Variants in SGCZ observed in about 807,000 individuals in gnomAD.
SGCZ encodes the protein zeta-sarcoglycan.
Under a neutral mutation model 41.3 loss-of-function variants are expected in SGCZ, and 40 were observed. The ratio of observed to expected loss-of-function variants is 0.97; its 90% CI spans 0.75 to 1.26. The LOEUF is 1.26. Ranked by LOEUF, SGCZ falls within the 50% of genes most tolerant of loss-of-function variation. SGCZ has a pLI of 0.00. For synonymous variants in SGCZ, 206 were observed against 137.5 expected (o/e 1.50, Z -3.49); for missense variants, 552 against 369.8 (o/e 1.49, Z -4.04).
At chr8:14,324,669 G>A (rs1802032920) in intron 2 of SGCZ, among the ~76,000 whole-genome samples, 1 of 152,052 alleles carries the variant, frequency 6.6e-6, no homozygotes, top group African/African-American at 2.4e-5. Flanking sequence ...TCTGATATTA[G>A]TAACCATGAT....
chr8:14,409,334 A>C (rs1799297826), intron 2 of SGCZ, among the ~76,000 whole-genome samples: 1 of 152,126 alleles, frequency 6.6e-6, no homozygotes, highest in Admixed American at 6.6e-5. Flanking sequence ...CCTCAACCTG[A>C]GGATCCAAAA....
At chr8:14,330,538 A>C (rs557123779) in intron 2 of SGCZ, among the ~76,000 whole-genome samples, 2 of 152,070 alleles carry the variant, frequency 1.3e-5, no homozygotes, top group African/African-American at 4.8e-5. Context: ...TTGACATTCA[A>C]ACCTACGATT....
chr8:14,595,187 G>A (rs1805368605), intron 1 of SGCZ, among the ~76,000 whole-genome samples: 1 of 152,050 alleles, frequency 6.6e-6, no homozygotes, highest in Non-Finnish European at 1.5e-5. Context: ...TTTTCTCCTG[G>A]AGAACCACTG....
chr8:14,577,100 C>T (rs887412735), intron 1 of SGCZ, among the ~76,000 whole-genome samples: 18 of 152,300 alleles, frequency 1.2e-4, no homozygotes, highest in South Asian at 8.3e-4. Context: ...GGATTACTAA[C>T]ATATCACTAA....
chr8:14,897,631 C>A (rs1805250966), intron 1 of SGCZ, among the ~76,000 whole-genome samples: 1 of 152,162 alleles, frequency 6.6e-6, no homozygotes, highest in Admixed American at 6.5e-5. Context: ...ATAATGAAGT[C>A]CCTGGAGATC....
chr8:14,094,152 T>G (rs1178825776), intron 7 of SGCZ, among the ~76,000 whole-genome samples: 9 of 152,146 alleles, frequency 5.9e-5, no homozygotes, highest in African/African-American at 2.2e-4. Context: ...AAAAGATTTT[T>G]TTAACTATAC....
chr8:15,142,708 C>T (rs976662479), intron 1 of SGCZ, among the ~76,000 whole-genome samples: 5 of 150,180 alleles, frequency 3.3e-5, no homozygotes, highest in Non-Finnish European at 7.4e-5. Context: ...GCCTCCTGGG[C>T]TCAAGTCATC....
chr8:14,893,987 G>A (rs1805110263), intron 1 of SGCZ, among the ~76,000 whole-genome samples: 1 of 152,130 alleles, frequency 6.6e-6, no homozygotes, highest in Admixed American at 6.6e-5. Flanking sequence ...ACCCAGGGCA[G>A]AAGTGATATC....
In SGCZ at chr8:14,504,002, T is replaced by C. The variant is rs572301367; in HGVS notation, c.234+50730A>G. 2.6e-5 allele frequency among the ~76,000 whole-genome samples: 4 copies of C among 152,270 alleles called. No homozygotes were observed. The East Asian group carries it at 5.8e-4, about 22-fold the overall frequency. Reference sequence around the variant, plus strand: ...ATTACTGTATTTTACATCTTATGAGTTATTTTAAGTGAACATTTTATCTGC... The same window carrying C: ...ATTACTGTATTTTACATCTTATGAGCTATTTTAAGTGAACATTTTATCTGC... On this transcript the variant is annotated intron_variant, in intron 2 of 7. Transcript: ENST00000382080.
intron 1 of SGCZ, among the ~76,000 whole-genome samples, chr8:14,870,362 G>T (rs1040282593): frequency 2.0e-5 from 3 of 152,254 alleles, no homozygotes; most frequent in South Asian, 4.1e-4. Context: ...AATAAATGTG[G>T]TTGGGAAAAC....
chr8:14,875,704 A>G (rs1380497604), intron 1 of SGCZ, among the ~76,000 whole-genome samples: 1 of 152,140 alleles, frequency 6.6e-6, no homozygotes. Context: ...GTAACTAGTA[A>G]TAAAGTGAAT....
chr8:14,373,446 T>C (rs1440688753), intron 2 of SGCZ, among the ~76,000 whole-genome samples: 3 of 152,172 alleles, frequency 2.0e-5, no homozygotes, highest in African/African-American at 7.2e-5. Context: ...TTTTAAGGAA[T>C]GAAATCCATG....
chr8:14,918,268 C>G (rs1799496016), intron 1 of SGCZ, among the ~76,000 whole-genome samples: 1 of 152,096 alleles, frequency 6.6e-6, no homozygotes, highest in Non-Finnish European at 1.5e-5. Context: ...ACCATGGTTA[C>G]ACTTGTTGAC....
intron 1 of SGCZ, among the ~76,000 whole-genome samples, chr8:14,658,618 C>T (rs1008458038): frequency 6.6e-6 from 1 of 152,176 alleles, no homozygotes; most frequent in African/African-American, 2.4e-5. Context: ...GAGTCCTGCT[C>T]TCTGTCCTAT....
intron 1 of SGCZ, among the ~76,000 whole-genome samples, chr8:14,896,973 T>C (rs2130752685): frequency 6.7e-6 from 1 of 149,952 alleles, no homozygotes; most frequent in South Asian, 2.1e-4. Flanking sequence ...TTAGTAGAGA[T>C]GGGCTTCACC....
At chr8:14,368,050 G>A (rs1803775564) in intron 2 of SGCZ, among the ~76,000 whole-genome samples, 1 of 152,010 alleles carries the variant, frequency 6.6e-6, no homozygotes, top group African/African-American at 2.4e-5. Context: ...TTATATAATT[G>A]TCAAGGTATT....
chr8:15,233,678 C>T (rs1585701754), intron 1 of SGCZ, among the ~76,000 whole-genome samples: 1 of 151,894 alleles, frequency 6.6e-6, no homozygotes, highest in East Asian at 1.9e-4. Flanking sequence ...TAAGATTATC[C>T]TTATTGAAAA....
At chr8:14,114,994 G>A (rs560766653) in intron 5 of SGCZ, among the ~76,000 whole-genome samples, 34 of 151,902 alleles carry the variant, frequency 2.2e-4, no homozygotes, top group African/African-American at 7.5e-4. Flanking sequence ...TGATGGAAAC[G>A]ACATTTTTAA....
chr8:14,612,646 T>C (rs1457809767), intron 1 of SGCZ, among the ~76,000 whole-genome samples: 2 of 152,262 alleles, frequency 1.3e-5, no homozygotes, highest in Non-Finnish European at 2.9e-5. Flanking sequence ...GCTTCAAAGA[T>C]AACAGGAAGG....
Sources: allele counts gnomAD v4.1 joint callset (sites outside exome capture counted in the v4.1 genomes callset), GRCh38; gene constraint gnomAD v4.1.1; transcripts MANE v1.5; gene names NCBI Gene and HGNC (gene_info 2026-07-23, HGNC 2026-07-21).